THRB: variants seen among roughly 807,000 people sequenced by gnomAD.
The protein encoded by THRB is nuclear receptor subfamily 1 group A member 2.
THRB carries 12 observed loss-of-function variants against 47.8 expected under a neutral mutation model. That is an observed-to-expected ratio of 0.25 (90% CI 0.16 to 0.41). THRB has a LOEUF of 0.41. THRB is among the 10% of genes least tolerant of loss of function. The probability of loss-of-function intolerance (pLI) is 1.00; values close to 1 mark genes in which losing one functional copy is unlikely to be tolerated. For missense variants in THRB, 348 were observed against 589.2 expected, an observed-to-expected ratio of 0.59 and a Z score of 4.24; for synonymous variants, 218 against 212.2, an observed-to-expected ratio of 1.03 and a Z score of -0.24.
intron 3 of THRB, among the ~76,000 whole-genome samples, chr3:24,237,421 T>C (rs1449873): frequency 0.14 from 20,981 of 152,196 alleles, 1,656 homozygotes; most frequent in Middle Eastern, 0.24. Context: ...AATAATTCAC[T>C]TTTACTTCCA....
intron 8 of THRB, among the ~76,000 whole-genome samples, chr3:24,135,215 A>G (rs1487212234): frequency 6.6e-6 from 1 of 152,106 alleles, no homozygotes; most frequent in Non-Finnish European, 1.5e-5. Context: ...CTCACATCAC[A>G]TTTTTAGCAG....
intron 1 of THRB, among the ~76,000 whole-genome samples, chr3:24,351,368 C>A (rs892066100): frequency 6.6e-6 from 1 of 152,080 alleles, no homozygotes; most frequent in African/African-American, 2.4e-5. Context: ...CCTTCACATC[C>A]TAATCCTTTC....
intron 2 of THRB, among the ~76,000 whole-genome samples, chr3:24,329,199 C>T (rs2061767571): frequency 1.3e-5 from 2 of 152,196 alleles, no homozygotes; most frequent in South Asian, 4.1e-4. Flanking sequence ...CCCACCTTGG[C>T]CTCCCAAAGT....
rs888443855 is a variant in THRB, at chr3:24,121,013, G to A, written c.*1871C>T. 2.0e-5 allele frequency: 3 copies of A among 152,002 alleles called. No homozygotes were observed. Among genetic ancestry groups the A allele is most frequent in the Non-Finnish European group, 2.9e-5 (2 of 67,996 alleles). The allele number at this position is 152,002 out of a possible 1,614,324, so 9.4% of individuals were successfully genotyped here. On this transcript the variant is annotated 3_prime_UTR_variant, in exon 11 of 11. Coordinates refer to ENST00000646209, the MANE Select transcript of THRB (RefSeq NM_001354712.2). ...CCTCTAAATGGTTGACTAGTATTGT[G>A]TCAAATTATTATTTCGAGCCAATAA...
chr3:24,131,931 C>T (rs1034825532), intron 9 of THRB, among the ~76,000 whole-genome samples: 6 of 152,206 alleles, frequency 3.9e-5, no homozygotes, highest in Admixed American at 6.5e-5. Flanking sequence ...GGGAGGCAAA[C>T]GTGCTCTCTC....
chr3:24,231,828 C>A (rs2048291717), intron 3 of THRB, among the ~76,000 whole-genome samples: 1 of 152,058 alleles, frequency 6.6e-6, no homozygotes, highest in Non-Finnish European at 1.5e-5. Flanking sequence ...AGCTCACCAG[C>A]AAATCATGGG....
intron 5 of THRB, among the ~76,000 whole-genome samples, chr3:24,184,866 T>C (rs567926378): frequency 6.6e-6 from 1 of 152,330 alleles, no homozygotes; most frequent in East Asian, 1.9e-4. Context: ...CCTTTTAAAA[T>C]ACTCATTCAC....
intron 8 of THRB, among the ~76,000 whole-genome samples, chr3:24,142,632 C>G (rs930079008): frequency 1.3e-5 from 2 of 152,152 alleles, no homozygotes; most frequent in African/African-American, 4.8e-5. Context: ...GGTTTTATAT[C>G]ATAAACTAAG....
chr3:24,269,403 G>GCGCGCACA (rs1175063428), intron 3 of THRB, among the ~76,000 whole-genome samples: 6 of 72,682 alleles, frequency 8.3e-5, no homozygotes, highest in African/African-American at 2.6e-4. Flanking sequence ...GCGCGCGCGC[G>GCGCGCACA]CACACACACA....
chr3:24,405,698 A>G (rs1273343452), intron 1 of THRB, among the ~76,000 whole-genome samples: 5 of 151,628 alleles, frequency 3.3e-5, no homozygotes, highest in Admixed American at 6.6e-5. Flanking sequence ...TGATTACTTT[A>G]ATAATTCATT....
intron 5 of THRB, among the ~76,000 whole-genome samples, chr3:24,157,954 A>C (rs2038126674): frequency 6.6e-6 from 1 of 152,194 alleles, no homozygotes; most frequent in African/African-American, 2.4e-5. Context: ...ATAACCTTTC[A>C]ATCTACAATT....
chr3:24,318,930 A>G (rs2058299821), intron 2 of THRB, among the ~76,000 whole-genome samples: 1 of 152,228 alleles, frequency 6.6e-6, no homozygotes, highest in African/African-American at 2.4e-5. Flanking sequence ...GAATTCCTCA[A>G]AAACCATTGC....
intron 1 of THRB, among the ~76,000 whole-genome samples, chr3:24,386,120 T>C (rs2066083106): frequency 6.6e-6 from 1 of 152,102 alleles, no homozygotes; most frequent in Admixed American, 6.6e-5. Context: ...CAGAGTCTCT[T>C]CTAGACAGAG....
At chr3:24,451,964 C>T (rs2072703234) in intron 1 of THRB, among the ~76,000 whole-genome samples, 1 of 152,078 alleles carries the variant, frequency 6.6e-6, no homozygotes, top group Admixed American at 6.6e-5. Context: ...GGGCCTAAGC[C>T]CCAACCTCAA....
At chr3:24,267,418 C>A (rs940563529) in intron 3 of THRB, among the ~76,000 whole-genome samples, 1 of 151,860 alleles carries the variant, frequency 6.6e-6, no homozygotes, top group Non-Finnish European at 1.5e-5. Flanking sequence ...CTACAGTGTT[C>A]CAGGATAAAG....
At chr3:24,292,086 T>C (rs1388352026) in intron 3 of THRB, among the ~76,000 whole-genome samples, 1 of 152,000 alleles carries the variant, frequency 6.6e-6, no homozygotes, top group East Asian at 1.9e-4. Context: ...TATAGAGAGG[T>C]ATGAAAAGGT....
At chr3:24,143,790 G>A in intron 7 of THRB, 84 bp from the exon 8 acceptor site, 1 of 1,411,412 alleles carries the variant, frequency 7.1e-7, no homozygotes, top group East Asian at 2.3e-5. Flanking sequence ...CCTCAGGAGT[G>A]GGACCACTGA....
At chr3:24,398,826 C>G (rs954571784) in intron 1 of THRB, among the ~76,000 whole-genome samples, 26 of 152,216 alleles carry the variant, frequency 1.7e-4, no homozygotes, top group African/African-American at 5.5e-4. Flanking sequence ...TTGGAACCAA[C>G]CCAAATGTCC....
intron 3 of THRB, among the ~76,000 whole-genome samples, chr3:24,239,141 C>T (rs186413072): frequency 1.3e-3 from 193 of 152,232 alleles, no homozygotes; most frequent in Non-Finnish European, 2.1e-3. Context: ...AGGGTTTCAC[C>T]ATGTTGGCCA....
Sources: allele counts gnomAD v4.1 joint callset (sites outside exome capture counted in the v4.1 genomes callset), GRCh38; gene constraint gnomAD v4.1.1; transcripts MANE v1.5; gene names NCBI Gene and HGNC (gene_info 2026-07-23, HGNC 2026-07-21).